Variants in CACNA1F observed in about 807,000 individuals in gnomAD.
The protein encoded by CACNA1F is voltage-dependent L-type calcium channel subunit alpha-1F.
CACNA1F carries 59 observed loss-of-function variants against 143.8 expected under a neutral mutation model. The observed-to-expected ratio is 0.41, with a 90% CI of 0.33 to 0.51. CACNA1F has a LOEUF of 0.51. Ranked by LOEUF, CACNA1F falls within the 20% of genes least tolerant of loss-of-function variation. The pLI, the probability that CACNA1F is intolerant of heterozygous loss-of-function variation, is 0.22. For missense variants in CACNA1F, 1,411 were observed against 1,647.5 expected, an observed-to-expected ratio of 0.86 and a Z score of 2.48; for synonymous variants, 643 against 649.1, an observed-to-expected ratio of 0.99 and a Z score of 0.14.
In CACNA1F at chrX:49,226,156, C is replaced by T; in HGVS notation, c.1490+61G>A. On this transcript the variant is annotated intron_variant, in intron 12 of 47. Coordinates refer to ENST00000323022, the MANE Select transcript of CACNA1F (RefSeq NM_001256789.3). ...GTGGGGGATCCAAAGGTCATGAGGG[C>T]TTGGAGGTGGGGGGTTTCAAAGTTA... 5.3e-6 allele frequency: 6 copies of T among 1,123,891 alleles called. No individual in the cohort carries two copies. The South Asian group carries it at 9.2e-5, about 17-fold the overall frequency. 92.6% of individuals were successfully genotyped at this position (1,123,891 alleles called of 1,213,427 possible).
At chrX:49,228,706 C>T (rs1277221113) in intron 6 of CACNA1F, among the ~76,000 whole-genome samples, 2 of 112,357 alleles carry the variant, frequency 1.8e-5, no homozygotes, top group African/African-American at 6.5e-5. Flanking sequence ...CTGGGATTAC[C>T]GGCGTGTGCC....
intron 21 of CACNA1F, 71 bp from the exon 22 acceptor site, chrX:49,219,012 G>C (rs1054469760): frequency 6.4e-6 from 6 of 936,010 alleles, no homozygotes; most frequent in African/African-American, 3.8e-5. Flanking sequence ...TTCTCAAAAG[G>C]CTTGGCCATC....
intron 30 of CACNA1F, 61 bp downstream of exon 30, chrX:49,214,098 A>C (rs1226775441): frequency 1.5e-5 from 12 of 803,785 alleles, no homozygotes; most frequent in Non-Finnish European, 1.9e-5. Context: ...AGAGCTCTGC[A>C]ATGAGCTCCA....
At chrX:49,224,685 A>T in intron 14 of CACNA1F, 76 bp downstream of exon 14, 1 of 643,210 alleles carries the variant, frequency 1.6e-6, no homozygotes, top group Non-Finnish European at 2.5e-6. Context: ...AAGCAGATGA[A>T]GTTATCATTG....
chrX:49,223,618 A>G (rs371091597), intron 14 of CACNA1F, among the ~76,000 whole-genome samples: 4 of 100,575 alleles, frequency 4.0e-5, no homozygotes, highest in African/African-American at 1.6e-4. Context: ...AAAAAAAAAA[A>G]AAGAAGAAGA....
rs1221107327 is a variant in CACNA1F, at chrX:49,230,118, G to A, written c.817+102C>T. 6.9e-6 allele frequency: 5 copies of A among 726,899 alleles called. No homozygotes were observed. In the Admixed American group the frequency reaches 9.7e-5, roughly 14 times the overall value. The allele number at this position is 726,899 out of a possible 1,213,427, so 59.9% of individuals were successfully genotyped here. On this transcript the variant is annotated intron_variant, in intron 6 of 47. Transcript: ENST00000323022. ...TCTGGGGATGGAACCTGAGCCTGGGGGCCGAATCTTGTGCATTTCAGTGGG... is the reference window on the plus strand; with the variant it reads ...TCTGGGGATGGAACCTGAGCCTGGGAGCCGAATCTTGTGCATTTCAGTGGG...
In CACNA1F at chrX:49,226,438, C is replaced by G. The variant is rs1271043136; in HGVS notation, c.1434G>C (p.Glu478Asp). 2.5e-5 allele frequency: 30 copies of G among 1,189,137 alleles called. No individual in the cohort carries two copies. The highest frequency in any genetic ancestry group is 3.3e-5 in the Non-Finnish European group (29 of 883,677). Residue 478 changes from glutamate to aspartate, a missense_variant, in exon 11 of 48, where the codon GAG becomes GAC. Around this residue, in one of 3 missense-constraint regions of CACNA1F, gnomAD observed 950 missense variants for 1,128.1 expected, o/e 0.84. Coordinates refer to ENST00000323022, the MANE Select transcript of CACNA1F (RefSeq NM_001256789.3). ...TETQGDEDEE[E>D]GALASCTRCL... ...AGCGTGTACAGCTGGCCAGAGCCCC[C>G]TCCTCCTCATCCTCATCGCCTTGGG...
In CACNA1F at chrX:49,217,793, G is replaced by A. The variant is rs1557107773; in HGVS notation, c.3051C>T (p.Thr1017=). 8.3e-7 allele frequency: 1 copy of A among 1,209,650 alleles called. No individual in the cohort carries two copies. Among genetic ancestry groups the A allele is most frequent in the Admixed American group, 2.2e-5 (1 of 45,983 alleles). The change falls in exon 26 of 48, where the codon ACC becomes ACT. Residue 1017 remains threonine (T), a synonymous_variant. Coordinates refer to ENST00000323022, the MANE Select transcript of CACNA1F (RefSeq NM_001256789.3). ...GGGTGTGTTTGGCCTCGTCCGTGCA[G>A]GTGTAGAATTTCCCCTGTAGAGAGG... ...GVQLFKGKFY[T]CTDEAKHTPQ...
intron 13 of CACNA1F, 66 bp downstream of exon 13, chrX:49,225,843 G>A: frequency 2.7e-6 from 3 of 1,105,872 alleles, no homozygotes; most frequent in Non-Finnish European, 3.7e-6. Flanking sequence ...AGAGGTTTTG[G>A]ATTTAAGCTT....
chrX:49,207,403 G>A (rs1432085575), intron 43 of CACNA1F, among the ~76,000 whole-genome samples: 2 of 111,615 alleles, frequency 1.8e-5, no homozygotes, highest in Non-Finnish European at 3.8e-5. Flanking sequence ...GGGGGAGCCT[G>A]TAAAAGCTAG....
chrX:49,206,630 G>A lies in CACNA1F; in HGVS notation c.5360-7C>T. On this transcript the variant is annotated splice_region_variant and splice_polypyrimidine_tract_variant and intron_variant, in intron 45 of 47. Transcript: ENST00000323022. Reference sequence around the variant, plus strand: ...GTGAAGGAGGGCTTCCGACCTGGGGGTGGGTGGGGCACCAGGGGCAAATAG... The same window carrying A: ...GTGAAGGAGGGCTTCCGACCTGGGGATGGGTGGGGCACCAGGGGCAAATAG... The A allele has an allele frequency of 8.3e-7, 1 of 1,203,221 alleles. No individual in the cohort carries two copies. Among genetic ancestry groups the A allele is most frequent in the Non-Finnish European group, 1.1e-6 (1 of 887,679 alleles).
At chrX:49,218,433 G>A (rs1031982148) in intron 24 of CACNA1F, 22 bp downstream of exon 24, 1 of 1,150,199 alleles carries the variant, frequency 8.7e-7, no homozygotes, top group Admixed American at 2.5e-5. Context: ...GGGTCCTGTG[G>A]GTTTGGGTGG....
chrX:49,220,662 C>T lies in CACNA1F; in HGVS notation c.2335-138G>A, dbSNP rs56114689. On this transcript the variant is annotated intron_variant, in intron 18 of 47. Coordinates refer to ENST00000323022, the MANE Select transcript of CACNA1F (RefSeq NM_001256789.3). ...TTAAAGACATGCACATATGGCTGGGCGCAGTGGCTCATGCCTGTAATCCCA... is the reference window on the plus strand; with the variant it reads ...TTAAAGACATGCACATATGGCTGGGTGCAGTGGCTCATGCCTGTAATCCCA... The T allele has an allele frequency of 0.046, 25,407 of 553,891 alleles. 537 individuals carry two copies. Among genetic ancestry groups the T allele is most frequent in the Middle Eastern group, 0.097 (282 of 2,911 alleles). 45.6% of individuals were successfully genotyped at this position (553,891 alleles called of 1,213,427 possible).
intron 33 of CACNA1F, 83 bp from the exon 34 acceptor site, chrX:49,212,391 C>T: frequency 1.2e-6 from 1 of 818,603 alleles, no homozygotes; most frequent in South Asian, 2.2e-5. Flanking sequence ...ACTGCTTTCC[C>T]TGGCCTGGGC....
intron 46 of CACNA1F, 106 bp from the exon 47 acceptor site, chrX:49,205,919 A>G: frequency 1.4e-6 from 1 of 693,900 alleles, no homozygotes; most frequent in Non-Finnish European, 2.2e-6. Context: ...AACTGGAGTG[A>G]AATTGAATGG....
chrX:49,219,214 G>T, intron 21 of CACNA1F, 107 bp downstream of exon 21: 7 of 879,959 alleles, frequency 8.0e-6, no homozygotes, highest in Non-Finnish European at 1.1e-5. Flanking sequence ...CCCCTCTCTC[G>T]GCTCACCTAG....
intron 9 of CACNA1F, 114 bp downstream of exon 9, chrX:49,226,856 G>A (rs2065830759): frequency 9.4e-7 from 1 of 1,063,460 alleles, no homozygotes; most frequent in Non-Finnish European, 1.3e-6. Flanking sequence ...TAGAGTTGTT[G>A]CAGATCAGGC....
At chrX:49,226,549 T>C (rs1557109978) in intron 10 of CACNA1F, 47 bp from the exon 11 acceptor site, 2 of 1,161,235 alleles carry the variant, frequency 1.7e-6, no homozygotes, top group East Asian at 3.2e-5. Context: ...GACCCCGAGG[T>C]CCAATCTTTG....
intron 12 of CACNA1F, 31 bp downstream of exon 12, chrX:49,226,186 G>A: frequency 1.7e-6 from 2 of 1,190,822 alleles, no homozygotes; most frequent in Non-Finnish European, 2.3e-6. Flanking sequence ...AAGTTATGGA[G>A]TCAAGGATTT....
Sources: allele counts gnomAD v4.1 joint callset (sites outside exome capture counted in the v4.1 genomes callset), GRCh38; gene constraint gnomAD v4.1.1; regional missense constraint gnomAD v4.1.1; transcripts MANE v1.5; gene names NCBI Gene and HGNC (gene_info 2026-07-23, HGNC 2026-07-21).